The following MCUB variants were observed in gnomAD, a reference collection of about 807,000 sequenced individuals.
MCUB encodes the protein mitochondrial calcium uniporter dominant negative subunit beta.
In MCUB, 46 loss-of-function variants were observed where a neutral mutation model predicts 41.4. That is an observed-to-expected ratio of 1.11 (90% CI 0.88 to 1.42). The LOEUF is 1.42. Ranked by LOEUF, MCUB falls within the 40% of genes most tolerant of loss-of-function variation. MCUB has a pLI of 0.00. For missense variants in MCUB, 403 were observed against 404.9 expected (o/e 1.00, Z 0.04); for synonymous variants, 148 against 148.2 (o/e 1.00, Z 0.01).
chr4:109,608,911 T>C (rs993251767), intron 1 of MCUB, among the ~76,000 whole-genome samples: 2 of 152,230 alleles, frequency 1.3e-5, no homozygotes, highest in African/African-American at 2.4e-5. Flanking sequence ...CTAAGCAATA[T>C]CTGCATTAGG....
chr4:109,655,457 A>C (rs1008135288), intron 1 of MCUB, among the ~76,000 whole-genome samples: 1 of 152,104 alleles, frequency 6.6e-6, no homozygotes, highest in South Asian at 2.1e-4. Flanking sequence ...CTTTTAATCA[A>C]GGTTTGATCT....
intron 1 of MCUB, among the ~76,000 whole-genome samples, chr4:109,628,805 G>T (rs1728415041): frequency 6.6e-6 from 1 of 152,208 alleles, no homozygotes; most frequent in South Asian, 2.1e-4. Context: ...AAAGGTTAAG[G>T]ACGTGGGCGC....
intron 4 of MCUB, among the ~76,000 whole-genome samples, chr4:109,680,907 A>G (rs1428923104): frequency 6.6e-6 from 1 of 152,206 alleles, no homozygotes; most frequent in Non-Finnish European, 1.5e-5. Flanking sequence ...AAGGGTATCA[A>G]TCTGAGGGAC....
chr4:109,625,060 A>G (rs749166647), intron 1 of MCUB, among the ~76,000 whole-genome samples: 9 of 152,144 alleles, frequency 5.9e-5, no homozygotes, highest in Non-Finnish European at 1.3e-4. Flanking sequence ...GAATCATTTG[A>G]ACCGGGGAGG....
intron 1 of MCUB, among the ~76,000 whole-genome samples, chr4:109,654,279 G>T (rs1354037338): frequency 2.6e-5 from 4 of 152,074 alleles, no homozygotes; most frequent in Admixed American, 2.0e-4. Context: ...TAAATTACCA[G>T]CATAAGATCC....
chr4:109,645,269 A>G (rs1338336612), intron 1 of MCUB, among the ~76,000 whole-genome samples: 1 of 152,138 alleles, frequency 6.6e-6, no homozygotes, highest in Non-Finnish European at 1.5e-5. Context: ...TTACAACTGA[A>G]CTGTCACTAA....
chr4:109,677,981 T>C (rs1273735307), intron 4 of MCUB, among the ~76,000 whole-genome samples: 1 of 152,020 alleles, frequency 6.6e-6, no homozygotes, highest in Non-Finnish European at 1.5e-5. Flanking sequence ...GCAGTGTTTG[T>C]GTCCCTGGGT....
chr4:109,564,706 T>C (rs774307685), intron 1 of MCUB, among the ~76,000 whole-genome samples: 1 of 152,210 alleles, frequency 6.6e-6, no homozygotes, highest in Admixed American at 6.5e-5. Context: ...TGGAAGTTTA[T>C]GACACAGGAA....
At chr4:109,569,490 G>A (rs1314164682) in intron 1 of MCUB, among the ~76,000 whole-genome samples, 2 of 145,328 alleles carry the variant, frequency 1.4e-5, no homozygotes, top group Non-Finnish European at 3.0e-5. Context: ...TATTTTCTTG[G>A]CTATCCCTTT....
Position 109,684,584 on chromosome 4 carries a change from A to T in MCUB, c.754A>T (p.Thr252Ser). The T allele has an allele frequency of 2.5e-6, 4 of 1,604,512 alleles. No individual in the cohort carries two copies. Among genetic ancestry groups the T allele is most frequent in the Non-Finnish European group, 3.4e-6 (4 of 1,171,336 alleles). ...VYSWDIMEPV[T>S]YFITFANSMV... ...CTCCTGGGATATCATGGAGCCAGTT[A>T]CATACTTCATCACATTTGCAAATTC... Residue 252 changes from threonine to serine, a missense_variant, in exon 6 of 8, where the codon ACA (threonine) becomes TCA (serine). Coordinates refer to ENST00000394650, the MANE Select transcript of MCUB (RefSeq NM_017918.5).
chr4:109,674,092 T>C, intron 4 of MCUB: 2 of 1,461,352 alleles, frequency 1.4e-6, no homozygotes, highest in Non-Finnish European at 1.9e-6. Flanking sequence ...CTATTCCATG[T>C]ATCGGGAATT....
chr4:109,673,864 T>TAC, intron 4 of MCUB: 2 of 768,138 alleles, frequency 2.6e-6, no homozygotes, highest in Non-Finnish European at 4.8e-6. Flanking sequence ...CACAGGTGTT[T>TAC]CTCTTCCTTC....
At chr4:109,653,304 G>C (rs1412264995) in intron 1 of MCUB, among the ~76,000 whole-genome samples, 1 of 151,896 alleles carries the variant, frequency 6.6e-6, no homozygotes, top group East Asian at 1.9e-4. Flanking sequence ...ACTTGAACCT[G>C]GGAAGTGGAG....
chr4:109,636,436 T>C (rs971379994), intron 1 of MCUB, among the ~76,000 whole-genome samples: 1 of 152,172 alleles, frequency 6.6e-6, no homozygotes, highest in Admixed American at 6.5e-5. Context: ...GTTAGAACTC[T>C]GGAAAACACC....
intron 1 of MCUB, among the ~76,000 whole-genome samples, chr4:109,656,380 TTTTTTTTTTTTTG>T (rs1402771762): frequency 0.014 from 516 of 36,102 alleles, 21 homozygotes; most frequent in Middle Eastern, 0.031. Flanking sequence ...TTTTTTTTTT[TTTTTTTTTTTTTG>T]GAGACAGGGT....
intron 1 of MCUB, among the ~76,000 whole-genome samples, chr4:109,625,267 T>C (rs949990020): frequency 6.6e-6 from 1 of 152,156 alleles, no homozygotes; most frequent in African/African-American, 2.4e-5. Context: ...TCAGGCCTCA[T>C]CAGAAGAGAA....
At chr4:109,650,765 A>G (rs1422079038) in intron 1 of MCUB, among the ~76,000 whole-genome samples, 1 of 152,246 alleles carries the variant, frequency 6.6e-6, no homozygotes, top group East Asian at 1.9e-4. Flanking sequence ...CTTTATTGGC[A>G]GAAGTTCAGA....
At chr4:109,612,595 A>G (rs1211583584) in intron 1 of MCUB, among the ~76,000 whole-genome samples, 1 of 152,066 alleles carries the variant, frequency 6.6e-6, no homozygotes, top group African/African-American at 2.4e-5. Context: ...TAATCTTATC[A>G]TGGGTGCTCC....
intron 2 of MCUB, 28 bp from the exon 3 acceptor site, chr4:109,660,167 C>A: frequency 1.0e-6 from 1 of 953,978 alleles, no homozygotes. Context: ...AAAATTTACT[C>A]ATTTTTTTTT....
Sources: gnomAD v4.1 joint callset for allele counts (sites outside exome capture counted in the v4.1 genomes callset) on GRCh38, gnomAD v4.1.1 for gene constraint, MANE v1.5 for transcripts, NCBI Gene and HGNC (gene_info 2026-07-23, HGNC 2026-07-21) for gene names.